Variants in FKBP7 observed in about 807,000 individuals in gnomAD.
The protein encoded by FKBP7 is peptidyl-prolyl cis-trans isomerase FKBP7.
Under a neutral mutation model 24.3 loss-of-function variants are expected in FKBP7, and 24 were observed. The observed-to-expected ratio is 0.99, with a 90% confidence interval of 0.72 to 1.39. The LOEUF is 1.39. FKBP7 is among the 40% of genes most tolerant of loss of function. The probability of loss-of-function intolerance (pLI) is 0.00; values close to 1 mark genes in which losing one functional copy is unlikely to be tolerated. For synonymous variants in FKBP7, 98 were observed against 92.8 expected (o/e 1.06, Z -0.32); for missense variants, 257 against 269.5 (o/e 0.95, Z 0.33).
chr2:178,471,062 A>G (rs1395250489), intron 2 of FKBP7, among the ~76,000 whole-genome samples: 1 of 151,882 alleles, frequency 6.6e-6, no homozygotes, highest in East Asian at 1.9e-4. Context: ...ATGGGGTTTC[A>G]CTATGTTGGC....
chr2:178,471,279 G>A (rs1034581223), intron 2 of FKBP7, among the ~76,000 whole-genome samples: 1 of 150,680 alleles, frequency 6.6e-6, no homozygotes, highest in Non-Finnish European at 1.5e-5. Flanking sequence ...GCACGATCTC[G>A]GCTCACTGTA....
At chr2:178,476,131 T>C (rs1349122309) in intron 2 of FKBP7, among the ~76,000 whole-genome samples, 3 of 152,170 alleles carry the variant, frequency 2.0e-5, no homozygotes. Context: ...CAAATAAAAA[T>C]GCTTAAGGTA....
rs1298372506 is a variant in FKBP7, at chr2:178,465,921, T to G, written c.518A>C (p.Tyr173Ser). Residue 173 changes from tyrosine (Y) to serine (S), a missense_variant, in exon 4 of 4, where the codon TAC (tyrosine) becomes TCC (serine). Physicochemically the swap from Tyr to Ser is moderately radical, Grantham distance 144. Transcript: ENST00000424785. ...ATCTTTTTCAAATTCCCTTTGCAAG[T>G]AGAGGTTTATCTGGAAGGCCAAAAT... Reference protein sequence around the residue: ...RQLSKAEINLYLQREFEKDEK... With the variant: ...RQLSKAEINLSLQREFEKDEK... The G allele has an allele frequency of 5.6e-6, 9 of 1,600,340 alleles. No individual in the cohort carries two copies. In the African/African-American group the frequency reaches 6.7e-5, roughly 12 times the overall value.
intron 2 of FKBP7, among the ~76,000 whole-genome samples, chr2:178,474,996 T>A (rs935162377): frequency 2.0e-5 from 3 of 152,212 alleles, no homozygotes; most frequent in African/African-American, 7.2e-5. Context: ...GCCTCCACTT[T>A]ATTTTTAACA....
At chr2:178,476,796 G>A (rs1176414874) in intron 2 of FKBP7, among the ~76,000 whole-genome samples, 1 of 148,780 alleles carries the variant, frequency 6.7e-6, no homozygotes, top group Non-Finnish European at 1.5e-5. Flanking sequence ...TACCACCTTG[G>A]CCTCCCAAAG....
rs1458913146 is a variant in FKBP7, at chr2:178,469,733, A to G, written c.426T>C (p.Tyr142=). The G allele has an allele frequency of 6.2e-7, 1 of 1,613,930 alleles. No individual in the cohort carries two copies. Among genetic ancestry groups the G allele is most frequent in the Non-Finnish European group, 8.5e-7 (1 of 1,179,960 alleles). Residue 142 remains tyrosine (Y), a synonymous_variant, in exon 3 of 4, where the codon TAT becomes TAC. Transcript: ENST00000424785. ...DATLIFEIEL[Y]AVTKGPRSIE... ...TGCTCCGTGGTCCTTTGGTCACAGC[A>G]TAAAGTTCAATCTCAAAAATCAATG...
chr2:178,466,581 T>C (rs1432191066), intron 3 of FKBP7, among the ~76,000 whole-genome samples: 2 of 152,142 alleles, frequency 1.3e-5, no homozygotes, highest in Non-Finnish European at 1.5e-5. Flanking sequence ...AAATGAGATA[T>C]GTTACTATAA....
rs190677072 is a variant in FKBP7 at position 178,467,161 on chromosome 2, A to C, written c.508-1230T>G. Among the ~76,000 whole-genome samples, 422 of 152,306 alleles carry C rather than the reference A, an allele frequency of 2.8e-3. 4 individuals carry two copies. Among genetic ancestry groups the C allele is most frequent in the Middle Eastern group, 0.017 (5 of 294 alleles). On this transcript the variant is annotated intron_variant, in intron 3 of 3. Transcript: ENST00000424785. ...TATTTTTACATAACCAATATTGCTGATGCTTAAACTTGACTCCTTTTCCAG... is the reference window on the plus strand; with the variant it reads ...TATTTTTACATAACCAATATTGCTGCTGCTTAAACTTGACTCCTTTTCCAG...
chr2:178,476,168 A>G (rs1490034358), intron 2 of FKBP7, among the ~76,000 whole-genome samples: 7 of 152,234 alleles, frequency 4.6e-5, no homozygotes, highest in Non-Finnish European at 8.8e-5. Flanking sequence ...TATAATCATC[A>G]TGAGTGTTGC....
Position 178,469,756 on chromosome 2 carries a change from A to T in FKBP7, c.403T>A (p.Leu135Met), listed in dbSNP as rs1480769932. Residue 135 changes from leucine to methionine, a missense_variant, in exon 3 of 4, where the codon TTG (leucine) becomes ATG (methionine). By Grantham distance (15) the Leu-to-Met change is conservative. Transcript: ENST00000424785. ...AEGKIPPDAT[L>M]IFEIELYAVT... ...GCATAAAGTTCAATCTCAAAAATCA[A>T]TGTAGCATCCGGTGGAATCTTGCCT... is the stretch of plus-strand genomic sequence containing the variant. The T allele has an allele frequency of 1.2e-6, 2 of 1,613,732 alleles. No individual in the cohort carries two copies. The highest frequency in any genetic ancestry group is 1.7e-6 in the Non-Finnish European group (2 of 1,179,936).
At position 178,478,502 on chromosome 2, in the gene FKBP7, G is replaced by C; in HGVS notation, c.-3C>G. On this transcript the variant is annotated 5_prime_UTR_variant, in exon 1 of 4. Coordinates refer to ENST00000424785, the MANE Select transcript of FKBP7 (RefSeq NM_181342.3). ...AAGAAATGCATGGTTTTTGGCATCG[G>C]CTCCAGCAGAACACTGCTCTCCCTC... is the stretch of plus-strand genomic sequence containing the variant. 1 of 1,613,854 alleles carries C rather than the reference G, an allele frequency of 6.2e-7. No homozygotes were observed. Among genetic ancestry groups the C allele is most frequent in the Non-Finnish European group, 8.5e-7 (1 of 1,180,016 alleles).
chr2:178,464,076 G>A lies in FKBP7; in HGVS notation c.*1694C>T, dbSNP rs1238420010. ...GTGTCAAATTATGTGCTAGCCATAT[G>A]TATTATTTACTAATCTCATGGTTGT... On this transcript the variant is annotated 3_prime_UTR_variant, in exon 4 of 4. Coordinates refer to ENST00000424785, the MANE Select transcript of FKBP7 (RefSeq NM_181342.3). 1 of 152,148 alleles carries A rather than the reference G, an allele frequency of 6.6e-6. No homozygotes were observed. 9.4% of individuals were successfully genotyped at this position (152,148 alleles called of 1,614,324 possible). A position where few individuals can be genotyped will look rare whatever the true frequency, so the allele number is the denominator to read the frequency against.
At chr2:178,477,378 G>C (rs981263705) in intron 1 of FKBP7, among the ~76,000 whole-genome samples, 165 bp from the exon 2 acceptor site, 4 of 152,150 alleles carry the variant, frequency 2.6e-5, no homozygotes, top group African/African-American at 7.2e-5. Flanking sequence ...ATAATCACCA[G>C]AAAGAAGTAT....
chr2:178,466,679 A>G (rs1332553644), intron 3 of FKBP7, among the ~76,000 whole-genome samples: 1 of 152,186 alleles, frequency 6.6e-6, no homozygotes, highest in Non-Finnish European at 1.5e-5. Context: ...TGGCAATATT[A>G]TAGATATATT....
At chr2:178,467,400 T>C (rs1490426709) in intron 3 of FKBP7, among the ~76,000 whole-genome samples, 1 of 152,234 alleles carries the variant, frequency 6.6e-6, no homozygotes, top group Non-Finnish European at 1.5e-5. Context: ...TTAATCTTTC[T>C]GACAATGAAT....
At chr2:178,471,666 A>G (rs1413028449) in intron 2 of FKBP7, among the ~76,000 whole-genome samples, 1 of 152,266 alleles carries the variant, frequency 6.6e-6, no homozygotes, top group Non-Finnish European at 1.5e-5. Context: ...TACTACAGGC[A>G]GTCCAATATT....
chr2:178,465,938 G>A lies in FKBP7; in HGVS notation c.508-7C>T. 6.3e-7 allele frequency: 1 copy of A among 1,577,102 alleles called. No individual in the cohort carries two copies. The highest frequency in any genetic ancestry group is 1.4e-5 in the African/African-American group (1 of 73,074). On this transcript the variant is annotated splice_region_variant and splice_polypyrimidine_tract_variant and intron_variant, in intron 3 of 3. Coordinates refer to ENST00000424785, the MANE Select transcript of FKBP7 (RefSeq NM_181342.3). ...TTTGCAAGTAGAGGTTTATCTGGAA[G>A]GCCAAAATAACATTCCTTTAATTAA...
intron 2 of FKBP7, among the ~76,000 whole-genome samples, chr2:178,474,695 CT>C (rs934777715): frequency 7.4e-5 from 11 of 149,484 alleles, no homozygotes; most frequent in African/African-American, 2.2e-4. Flanking sequence ...GTCTTGTCCA[CT>C]TTTTTTTTTG....
At chr2:178,466,236 TTATCAAAGGA>T (rs1684652910) in intron 3 of FKBP7, among the ~76,000 whole-genome samples, 2 of 152,256 alleles carry the variant, frequency 1.3e-5, no homozygotes, top group South Asian at 4.1e-4. Context: ...GCTGTTCCTA[TTATCAAAGGA>T]AAATCACGCA....
Sources: allele counts gnomAD v4.1 joint callset (sites outside exome capture counted in the v4.1 genomes callset), GRCh38; gene constraint gnomAD v4.1.1; transcripts MANE v1.5; gene names NCBI Gene and HGNC (gene_info 2026-07-23, HGNC 2026-07-21).